The following GABRR2 variants were observed in gnomAD, a reference collection of about 807,000 sequenced individuals.
GABRR2 encodes gamma-aminobutyric acid receptor subunit rho-2.
In GABRR2, 36 loss-of-function variants were observed where a neutral mutation model predicts 47.0. The ratio of observed to expected loss-of-function variants is 0.77; its 90% CI spans 0.59 to 1.01. GABRR2 has a LOEUF of 1.01. GABRR2 is among the 50% of genes least tolerant of loss of function. GABRR2 has a pLI of 0.00. For synonymous variants in GABRR2, 204 were observed against 227.5 expected, an observed-to-expected ratio of 0.90 and a Z score of 0.93; for missense variants, 587 against 594.6, an observed-to-expected ratio of 0.99 and a Z score of 0.13.
chr6:89,267,131 C>T (rs1773916838), intron 6 of GABRR2, among the ~76,000 whole-genome samples: 1 of 151,704 alleles, frequency 6.6e-6, no homozygotes. Flanking sequence ...TCCCGAGTAG[C>T]TGGGATTACA....
chr6:89,290,078 C>T (rs140903197), intron 2 of GABRR2, among the ~76,000 whole-genome samples: 28 of 152,302 alleles, frequency 1.8e-4, no homozygotes, highest in African/African-American at 6.7e-4. Context: ...CCAAACACCT[C>T]CCATTAGGCC....
At chr6:89,283,894 T>G (rs1425936368) in intron 2 of GABRR2, among the ~76,000 whole-genome samples, 1 of 152,180 alleles carries the variant, frequency 6.6e-6, no homozygotes, top group Non-Finnish European at 1.5e-5. Flanking sequence ...AAAACAGTCT[T>G]CAACTATTTG....
intron 2 of GABRR2, among the ~76,000 whole-genome samples, chr6:89,295,011 G>T (rs1178396032): frequency 6.6e-6 from 1 of 151,966 alleles, no homozygotes; most frequent in Non-Finnish European, 1.5e-5. Flanking sequence ...TGGTGTATAT[G>T]TGCCACATTT....
intron 2 of GABRR2, among the ~76,000 whole-genome samples, chr6:89,275,297 A>C (rs1021298806): frequency 5.3e-5 from 8 of 152,212 alleles, no homozygotes; most frequent in African/African-American, 1.9e-4. Flanking sequence ...TTTTTAAGAC[A>C]AAGTCTCGCT....
rs115474866 is a variant in GABRR2, at chr6:89,311,707, G to A, written c.113+3346C>T. 9.1e-3 allele frequency among the ~76,000 whole-genome samples: 1,392 copies of A among 152,260 alleles called. 18 individuals are homozygous for A. Among genetic ancestry groups the A allele is most frequent in the African/African-American group, 0.029 (1,201 of 41,544 alleles). On this transcript the variant is annotated intron_variant, in intron 1 of 8. Coordinates refer to ENST00000402938, the MANE Select transcript of GABRR2 (RefSeq NM_002043.5). ...AACCAGGATAATCAGGTGTTCGTGGGTGCCCCTCCTCCCTGTGCAGGCCCT... is the reference window on the plus strand; with the variant it reads ...AACCAGGATAATCAGGTGTTCGTGGATGCCCCTCCTCCCTGTGCAGGCCCT...
At chr6:89,290,344 T>C (rs1381022147) in intron 2 of GABRR2, among the ~76,000 whole-genome samples, 2 of 152,190 alleles carry the variant, frequency 1.3e-5, no homozygotes, top group Non-Finnish European at 2.9e-5. Context: ...ATGCATGTGG[T>C]CACCCTGCCC....
intron 2 of GABRR2, among the ~76,000 whole-genome samples, chr6:89,273,935 C>T (rs1169873028): frequency 6.6e-6 from 1 of 152,306 alleles, no homozygotes; most frequent in Non-Finnish European, 1.5e-5. Context: ...TCCCAAGAGC[C>T]GCAGGGAAGA....
chr6:89,292,346 TTATATATATATATATATATA>T (rs57703020), intron 2 of GABRR2, among the ~76,000 whole-genome samples: 1 of 13,834 alleles, frequency 7.2e-5, no homozygotes, highest in Non-Finnish European at 1.2e-4. Context: ...AAAAAAAATT[TTATATATATATATATATATA>T]TATATATATA....
At chr6:89,289,976 CTT>C (rs1302390439) in intron 2 of GABRR2, among the ~76,000 whole-genome samples, 5 of 152,110 alleles carry the variant, frequency 3.3e-5, no homozygotes, top group Non-Finnish European at 5.9e-5. Context: ...TTATGGGACT[CTT>C]TGATTCCTGA....
chr6:89,266,527 T>G (rs964915870), intron 6 of GABRR2, among the ~76,000 whole-genome samples: 1 of 152,222 alleles, frequency 6.6e-6, no homozygotes, highest in Non-Finnish European at 1.5e-5. Context: ...AGAAATAGGC[T>G]GTTCACATGA....
chr6:89,315,117 G>A lies in GABRR2; in HGVS notation c.49C>T (p.Leu17Phe). ...CTCTTGGGTTTTCTGCTCTCCACGA[G>A]AACCATCAAGCAAAACAAGAACAAA... is the stretch of plus-strand genomic sequence containing the variant. ...LILFLFCLMV[L>F]VESRKPKRKR... The change falls in exon 1 of 9, where the codon CTC (leucine) becomes TTC (phenylalanine). Residue 17 changes from leucine to phenylalanine, a missense_variant. Physicochemically the swap from Leu to Phe is conservative, Grantham distance 22. Transcript: ENST00000402938. 2 of 1,613,824 alleles carry A rather than the reference G, an allele frequency of 1.2e-6. No individual in the cohort carries two copies. The highest frequency in any genetic ancestry group is 2.2e-5 in the South Asian group (2 of 91,072).
At position 89,315,109 on chromosome 6, in the gene GABRR2, C is replaced by T. The variant is rs141205354; in HGVS notation, c.57G>A (p.Glu19=). 2.5e-6 allele frequency: 4 copies of T among 1,613,836 alleles called. No homozygotes were observed. Among genetic ancestry groups the T allele is most frequent in the African/African-American group, 1.3e-5 (1 of 74,918 alleles). Reference sequence around the variant, plus strand: ...ATCGCTTCCTCTTGGGTTTTCTGCTCTCCACGAGAACCATCAAGCAAAACA... The same window carrying T: ...ATCGCTTCCTCTTGGGTTTTCTGCTTTCCACGAGAACCATCAAGCAAAACA... ...LFLFCLMVLV[E]SRKPKRKRWT... Residue 19 remains glutamate, a synonymous_variant, in exon 1 of 9, where the codon GAG becomes GAA. Transcript: ENST00000402938.
rs535713413 is a variant in GABRR2, at chr6:89,255,511, G to A, written c.*2159C>T. ...CAATTACCCATATTTATGCATTTTT[G>A]TTCTTCATTGGTCTGTGAGACTGGG... On this transcript the variant is annotated 3_prime_UTR_variant, in exon 9 of 9. Coordinates refer to ENST00000402938, the MANE Select transcript of GABRR2 (RefSeq NM_002043.5). Among the ~76,000 whole-genome samples, 12 of 152,070 alleles carry A rather than the reference G, an allele frequency of 7.9e-5. No homozygotes were observed. The highest frequency in any genetic ancestry group is 4.1e-4 in the South Asian group (2 of 4,826).
intron 1 of GABRR2, among the ~76,000 whole-genome samples, chr6:89,301,462 A>C (rs1163307619): frequency 6.6e-6 from 1 of 152,180 alleles, no homozygotes; most frequent in Non-Finnish European, 1.5e-5. Flanking sequence ...GTGATTCTGT[A>C]TCTAGAAAAC....
intron 6 of GABRR2, 28 bp downstream of exon 6, chr6:89,267,651 G>A: frequency 3.8e-6 from 6 of 1,596,520 alleles, no homozygotes; most frequent in Non-Finnish European, 5.1e-6. Context: ...TTGCACATTT[G>A]AATCAGATTG....
At chr6:89,268,241 G>T in intron 4 of GABRR2, 145 bp from the exon 5 acceptor site, 1 of 687,844 alleles carries the variant, frequency 1.5e-6, no homozygotes, top group Non-Finnish European at 2.7e-6. Flanking sequence ...CTGAGTTATA[G>T]AACCTTAACT....
intron 2 of GABRR2, among the ~76,000 whole-genome samples, chr6:89,280,763 G>T (rs951907751): frequency 2.0e-5 from 3 of 152,232 alleles, no homozygotes; most frequent in Admixed American, 2.0e-4. Context: ...GTTGGTCATT[G>T]TCAGCAATGT....
At position 89,267,712 on chromosome 6, in the gene GABRR2, T is replaced by C. The variant is rs759703631; in HGVS notation, c.703A>G (p.Thr235Ala). 1.2e-6 allele frequency: 2 copies of C among 1,613,784 alleles called. No individual in the cohort carries two copies. Among genetic ancestry groups the C allele is most frequent in the African/African-American group, 2.7e-5 (2 of 74,952 alleles). ...CTGTAGAAGGCCAGCCTGGAAGTTG[T>C]GTGAAATTTCTGAATCAGAAACTGA... ...LSQFLIQKFH[T>A]TSRLAFYSST... is the part of the protein sequence containing the mutation. The change falls in exon 6 of 9, where the codon ACA becomes GCA. Residue 235 changes from threonine (T) to alanine (A), a missense_variant. Coordinates refer to ENST00000402938, the MANE Select transcript of GABRR2 (RefSeq NM_002043.5).
intron 2 of GABRR2, among the ~76,000 whole-genome samples, chr6:89,277,672 T>G (rs1774187272): frequency 6.6e-6 from 1 of 151,924 alleles, no homozygotes; most frequent in Admixed American, 6.6e-5. Context: ...AGAAAATAAT[T>G]ACTACTACCA....
Sources: allele counts gnomAD v4.1 joint callset (sites outside exome capture counted in the v4.1 genomes callset), GRCh38; gene constraint gnomAD v4.1.1; transcripts MANE v1.5; gene names NCBI Gene and HGNC (gene_info 2026-07-23, HGNC 2026-07-21).